The following SGCZ variants were observed in gnomAD, a reference collection of about 807,000 sequenced individuals.
The protein encoded by SGCZ is zeta-sarcoglycan.
Under a neutral mutation model 41.3 loss-of-function variants are expected in SGCZ, and 40 were observed. The ratio of observed to expected loss-of-function variants is 0.97; its 90% CI spans 0.75 to 1.26. The LOEUF (loss-of-function observed/expected upper bound fraction) is 1.26. SGCZ is among the 50% of genes most tolerant of loss of function. The probability of loss-of-function intolerance (pLI) is 0.00; values close to 1 mark genes in which losing one functional copy is unlikely to be tolerated. For missense variants in SGCZ, 552 were observed against 369.8 expected (o/e 1.49, Z -4.04); for synonymous variants, 206 against 137.5 (o/e 1.50, Z -3.49).
chr8:14,788,679 T>C (rs1424025787), intron 1 of SGCZ, among the ~76,000 whole-genome samples: 1 of 152,234 alleles, frequency 6.6e-6, no homozygotes, highest in Non-Finnish European at 1.5e-5. Flanking sequence ...TCCACTCTTT[T>C]TGTTACCAAC....
chr8:14,670,128 C>A (rs1443237168), intron 1 of SGCZ, among the ~76,000 whole-genome samples: 1 of 152,114 alleles, frequency 6.6e-6, no homozygotes, highest in African/African-American at 2.4e-5. Context: ...TTTTATTAAT[C>A]ACAGTGTGTT....
chr8:14,839,418 T>A (rs781443662), intron 1 of SGCZ, among the ~76,000 whole-genome samples: 1 of 152,130 alleles, frequency 6.6e-6, no homozygotes, highest in Non-Finnish European at 1.5e-5. Flanking sequence ...GACTCTGTAG[T>A]ATAGATGTCA....
chr8:14,525,721 C>T (rs1802927676), intron 2 of SGCZ, among the ~76,000 whole-genome samples: 1 of 152,016 alleles, frequency 6.6e-6, no homozygotes, highest in South Asian at 2.1e-4. Flanking sequence ...TGTCTTCAAG[C>T]TTATTTCAAA....
intron 1 of SGCZ, among the ~76,000 whole-genome samples, chr8:14,647,105 T>A (rs1276390148): frequency 6.6e-6 from 1 of 151,962 alleles, no homozygotes; most frequent in Non-Finnish European, 1.5e-5. Context: ...TGCTGCATAC[T>A]CCAATCCCCC....
chr8:14,228,281 G>A (rs13262425), intron 4 of SGCZ, among the ~76,000 whole-genome samples: 44,265 of 151,854 alleles, frequency 0.29, 7,217 homozygotes, highest in Non-Finnish European at 0.38. Flanking sequence ...AACAATACTT[G>A]GTTAAGTATA....
At chr8:14,911,992 T>C (rs10503520) in intron 1 of SGCZ, among the ~76,000 whole-genome samples, 8,744 of 152,082 alleles carry the variant, frequency 0.057, 309 homozygotes, top group Admixed American at 0.08. Flanking sequence ...TTACACTATT[T>C]CTGTTTCTTT....
At chr8:15,104,566 C>G (rs917344345) in intron 1 of SGCZ, among the ~76,000 whole-genome samples, 18 of 152,338 alleles carry the variant, frequency 1.2e-4, no homozygotes, top group Admixed American at 6.5e-4. Context: ...AATAGCCACG[C>G]AAATTTTCCT....
intron 2 of SGCZ, among the ~76,000 whole-genome samples, chr8:14,403,269 A>G (rs1799126924): frequency 6.7e-6 from 1 of 150,274 alleles, no homozygotes; most frequent in Non-Finnish European, 1.5e-5. Context: ...TTCCTAATTG[A>G]ATACCCTTTA....
intron 1 of SGCZ, among the ~76,000 whole-genome samples, chr8:15,190,587 T>C (rs1216752029): frequency 1.3e-5 from 2 of 152,040 alleles, no homozygotes; most frequent in Non-Finnish European, 2.9e-5. Context: ...CACGAAAGAA[T>C]GGTGCAAATC....
chr8:14,664,019 T>A (rs944256218), intron 1 of SGCZ, among the ~76,000 whole-genome samples: 2 of 152,126 alleles, frequency 1.3e-5, no homozygotes, highest in Non-Finnish European at 2.9e-5. Context: ...TTTAACATAA[T>A]CAAAATTCAC....
chr8:14,172,401 A>T (rs1256407051), intron 4 of SGCZ, among the ~76,000 whole-genome samples: 1 of 152,166 alleles, frequency 6.6e-6, no homozygotes, highest in Non-Finnish European at 1.5e-5. Flanking sequence ...AGCAAATGAA[A>T]ATTACATTGC....
chr8:14,609,074 G>A (rs1343685437), intron 1 of SGCZ, among the ~76,000 whole-genome samples: 2 of 152,082 alleles, frequency 1.3e-5, no homozygotes, highest in African/African-American at 2.4e-5. Flanking sequence ...TTGTTTTTAT[G>A]ATGAACTATT....
intron 1 of SGCZ, among the ~76,000 whole-genome samples, chr8:14,982,751 C>T (rs987668960): frequency 3.3e-5 from 5 of 152,036 alleles, no homozygotes; most frequent in African/African-American, 1.2e-4. Context: ...CTTTTTTAAT[C>T]TTTATTTTGA....
chr8:15,026,670 T>A (rs1803469009), intron 1 of SGCZ, among the ~76,000 whole-genome samples: 1 of 152,262 alleles, frequency 6.6e-6, no homozygotes, highest in Admixed American at 6.5e-5. Flanking sequence ...TCCAAGCCAT[T>A]CTCTAATAAA....
chr8:14,893,726 T>C (rs1417795829), intron 1 of SGCZ, among the ~76,000 whole-genome samples: 1 of 152,180 alleles, frequency 6.6e-6, no homozygotes, highest in Non-Finnish European at 1.5e-5. Flanking sequence ...CTGAAAAATA[T>C]AATAACTTGC....
intron 2 of SGCZ, among the ~76,000 whole-genome samples, chr8:14,473,812 C>T (rs1196290394): frequency 2.6e-5 from 4 of 151,654 alleles, no homozygotes; most frequent in South Asian, 2.1e-4. Context: ...GTGGCGGGCA[C>T]GCGTAGTCCC....
At chr8:14,921,153 T>C (rs1434785329) in intron 1 of SGCZ, among the ~76,000 whole-genome samples, 1 of 152,206 alleles carries the variant, frequency 6.6e-6, no homozygotes, top group African/African-American at 2.4e-5. Flanking sequence ...CTTCAAGCTC[T>C]GAATCTTCTC....
At chr8:14,168,606 G>C (rs1804279766) in intron 4 of SGCZ, among the ~76,000 whole-genome samples, 1 of 152,126 alleles carries the variant, frequency 6.6e-6, no homozygotes, top group Non-Finnish European at 1.5e-5. Flanking sequence ...ATGACTGTGA[G>C]GCCTCCCCAG....
intron 1 of SGCZ, among the ~76,000 whole-genome samples, chr8:14,685,637 AGTT>A (rs1170325510): frequency 2.6e-5 from 4 of 152,100 alleles, no homozygotes. Flanking sequence ...ACTACATATG[AGTT>A]ATTAAATATT....
Sources: gnomAD v4.1 joint callset for allele counts (sites outside exome capture counted in the v4.1 genomes callset) on GRCh38, gnomAD v4.1.1 for gene constraint, MANE v1.5 for transcripts, NCBI Gene and HGNC (gene_info 2026-07-23, HGNC 2026-07-21) for gene names.